The following RIC1 variants were observed in gnomAD, a reference collection of about 807,000 sequenced individuals.
RIC1 encodes the protein guanine nucleotide exchange factor subunit RIC1.
Under a neutral mutation model 169.0 loss-of-function variants are expected in RIC1, and 88 were observed. The ratio of observed to expected loss-of-function variants is 0.52; its 90% CI spans 0.44 to 0.62. The LOEUF is 0.62. RIC1 is among the 20% of genes least tolerant of loss of function. The pLI, the probability that RIC1 is intolerant of heterozygous loss-of-function variation, is 0.00. For missense variants in RIC1, 1,877 were observed against 1,725.5 expected (o/e 1.09, Z -1.56); for synonymous variants, 790 against 601.5 (o/e 1.31, Z -4.59).
chr9:5,706,502 T>A (rs187048039), intron 3 of RIC1, among the ~76,000 whole-genome samples: 400 of 152,242 alleles, frequency 2.6e-3, no homozygotes, highest in Non-Finnish European at 4.3e-3. Flanking sequence ...TATTTTTTTT[T>A]AATAACATCT....
At chr9:5,778,206 A>C (rs1465288606), downstream of RIC1, among the ~76,000 whole-genome samples, 2 of 152,182 alleles carry the variant, frequency 1.3e-5, no homozygotes, top group East Asian at 3.8e-4. Flanking sequence ...AAAAAATGGA[A>C]TTTCCTGTTT....
chr9:5,704,254 T>G (rs1822418905), intron 3 of RIC1, among the ~76,000 whole-genome samples: 1 of 152,042 alleles, frequency 6.6e-6, no homozygotes, highest in Admixed American at 6.6e-5. Context: ...CTTCTTGCTC[T>G]GTCTTCCAGG....
chr9:5,690,613 C>A (rs1325261844), intron 3 of RIC1, among the ~76,000 whole-genome samples: 3 of 148,460 alleles, frequency 2.0e-5, no homozygotes, highest in Non-Finnish European at 3.0e-5. Flanking sequence ...AATATAAGAG[C>A]ATTTATCACA....
intron 3 of RIC1, among the ~76,000 whole-genome samples, chr9:5,712,039 T>C (rs1181451238): frequency 6.6e-6 from 1 of 152,208 alleles, no homozygotes; most frequent in Admixed American, 6.5e-5. Flanking sequence ...TAAACATACA[T>C]GCGCATGTGT....
intron 3 of RIC1, among the ~76,000 whole-genome samples, chr9:5,696,341 C>G (rs1438267160): frequency 6.6e-6 from 1 of 152,014 alleles, no homozygotes; most frequent in African/African-American, 2.4e-5. Flanking sequence ...ACACATCGAA[C>G]CCACAATTCC....
At chr9:5,646,533 C>T (rs562320569) in intron 1 of RIC1, among the ~76,000 whole-genome samples, 1 of 152,094 alleles carries the variant, frequency 6.6e-6, no homozygotes, top group Non-Finnish European at 1.5e-5. Context: ...CATTATGGCA[C>T]AATTGCTTAT....
chr9:5,655,778 T>G (rs1344060985), intron 1 of RIC1, among the ~76,000 whole-genome samples: 1 of 152,172 alleles, frequency 6.6e-6, no homozygotes, highest in Non-Finnish European at 1.5e-5. Flanking sequence ...GGTGTTTAAT[T>G]TTTTTTAATA....
At position 5,753,638 on chromosome 9, in the gene RIC1, A is replaced by G; in HGVS notation, c.1594A>G (p.Ile532Val). 1 of 1,561,336 alleles carries G rather than the reference A, an allele frequency of 6.4e-7. No homozygotes were observed. Among genetic ancestry groups the G allele is most frequent in the Middle Eastern group, 1.7e-4 (1 of 5,940 alleles). The change falls in exon 14 of 26, where the codon ATT becomes GTT. Residue 532 changes from isoleucine to valine, a missense_variant. Ile to Val is a conservative substitution (Grantham distance 29). Around this residue, in one of 3 missense-constraint regions of RIC1, gnomAD observed 1,104 missense variants for 992.0 expected, o/e 1.11. Coordinates refer to ENST00000414202, the MANE Select transcript of RIC1 (RefSeq NM_020829.4). Reference sequence around the variant, plus strand: ...CAAAAAATGGAAACTTTTTGGAAACATTACCCAGGTTAGTCTTTTTTGAGA... The same window carrying G: ...CAAAAAATGGAAACTTTTTGGAAACGTTACCCAGGTTAGTCTTTTTTGAGA... ...LTKKWKLFGNITQEQNMIVTG... is the reference protein window; with the variant it reads ...LTKKWKLFGNVTQEQNMIVTG...
intron 2 of RIC1, among the ~76,000 whole-genome samples, chr9:5,678,467 G>C (rs1451202969): frequency 1.3e-5 from 2 of 151,924 alleles, no homozygotes; most frequent in East Asian, 1.9e-4. Flanking sequence ...CCCACCAACA[G>C]TGTAAAACTG....
intron 3 of RIC1, 30 bp from the exon 4 acceptor site, chr9:5,713,866 C>A: frequency 6.6e-7 from 1 of 1,515,996 alleles, no homozygotes; most frequent in South Asian, 1.1e-5. Flanking sequence ...AATTCAGCAT[C>A]TTTCTTTAAC....
intron 2 of RIC1, among the ~76,000 whole-genome samples, chr9:5,676,403 A>C (rs62557378): frequency 6.6e-6 from 1 of 152,156 alleles, no homozygotes; most frequent in Admixed American, 6.5e-5. Context: ...GGAGGTGTCT[A>C]TGTTCTAGGC....
At chr9:5,752,746 T>G (rs1209449453) in intron 12 of RIC1, among the ~76,000 whole-genome samples, 1 of 152,222 alleles carries the variant, frequency 6.6e-6, no homozygotes, top group East Asian at 1.9e-4. Context: ...TAAGCATTGC[T>G]GTTTTAATCA....
rs538933675 is a variant in RIC1, at chr9:5,714,069, T to G, written c.440+66T>G. The G allele has an allele frequency of 6.1e-6, 6 of 978,588 alleles. No homozygotes were observed. The East Asian group carries it at 1.5e-4, about 25-fold the overall frequency. The allele number at this position is 978,588 out of a possible 1,614,324, so 60.6% of individuals were successfully genotyped here. ...TAGACAATGTAGTTCGTAAATCCCA[T>G]GACCAACAGGAAAGTTAGTTTAATT... On this transcript the variant is annotated intron_variant, in intron 4 of 25. Coordinates refer to ENST00000414202, the MANE Select transcript of RIC1 (RefSeq NM_020829.4).
chr9:5,742,744 T>C (rs937471687), intron 8 of RIC1, 125 bp from the exon 9 acceptor site: 1 of 826,786 alleles, frequency 1.2e-6, no homozygotes, highest in Non-Finnish European at 1.9e-6. Context: ...GATTTATTTT[T>C]GGAAGCAGTC....
intron 18 of RIC1, among the ~76,000 whole-genome samples, 153 bp from the exon 19 acceptor site, chr9:5,762,987 C>A (rs1011224428): frequency 2.0e-5 from 3 of 152,158 alleles, no homozygotes; most frequent in Admixed American, 6.5e-5. Context: ...GGCCAGGATA[C>A]TTTTATTAAC....
intron 4 of RIC1, 54 bp downstream of exon 4, chr9:5,714,057 T>C: frequency 8.8e-7 from 1 of 1,138,630 alleles, no homozygotes; most frequent in Non-Finnish European, 1.3e-6. Context: ...ACAATGTAGT[T>C]CGTAAATCCC....
intron 8 of RIC1, among the ~76,000 whole-genome samples, chr9:5,741,089 A>C (rs1445545947): frequency 6.6e-6 from 1 of 152,106 alleles, no homozygotes; most frequent in East Asian, 1.9e-4. Context: ...CTGTGATTTA[A>C]TTATAGTTTA....
At chr9:5,753,356 A>G in intron 13 of RIC1, 118 bp downstream of exon 13, 1 of 953,576 alleles carries the variant, frequency 1.0e-6, no homozygotes, top group Non-Finnish European at 1.7e-6. Flanking sequence ...ATCTATTGTA[A>G]CATTGCTAGT....
At chr9:5,666,929 T>C (rs1465495820) in intron 2 of RIC1, among the ~76,000 whole-genome samples, 2 of 152,232 alleles carry the variant, frequency 1.3e-5, no homozygotes, top group Admixed American at 6.5e-5. Flanking sequence ...CTGTTATTTA[T>C]GCAAAATTAC....
Sources: allele counts gnomAD v4.1 joint callset (sites outside exome capture counted in the v4.1 genomes callset), GRCh38; gene constraint gnomAD v4.1.1; regional missense constraint gnomAD v4.1.1; transcripts MANE v1.5; gene names NCBI Gene and HGNC (gene_info 2026-07-23, HGNC 2026-07-21).